Variants in CNTNAP2 observed in about 807,000 individuals in gnomAD.
The protein encoded by CNTNAP2 is contactin-associated protein-like 2.
CNTNAP2 carries 98 observed loss-of-function variants against 155.2 expected under a neutral mutation model. The ratio of observed to expected loss-of-function variants is 0.63; its 90% CI spans 0.54 to 0.75. CNTNAP2 has a LOEUF of 0.75. Ranked by LOEUF, CNTNAP2 falls within the 30% of genes least tolerant of loss-of-function variation. The pLI is 0.00. For synonymous variants in CNTNAP2, 651 were observed against 631.2 expected (o/e 1.03, Z -0.47); for missense variants, 1,727 against 1,688.1 (o/e 1.02, Z -0.40).
chr7:146,963,768 T>A (rs77425529), intron 3 of CNTNAP2, among the ~76,000 whole-genome samples: 2,881 of 152,312 alleles, frequency 0.019, 51 homozygotes, highest in East Asian at 0.064. Context: ...TCCCTTGTTA[T>A]CACTAAGCAA....
chr7:147,051,003 T>G (rs551369462), intron 4 of CNTNAP2, among the ~76,000 whole-genome samples: 9 of 152,174 alleles, frequency 5.9e-5, no homozygotes, highest in African/African-American at 2.2e-4. Context: ...TGTCTTCAAA[T>G]AGTCTTCTTC....
intron 1 of CNTNAP2, among the ~76,000 whole-genome samples, chr7:146,701,880 A>C (rs1019365719): frequency 6.6e-6 from 1 of 152,212 alleles, no homozygotes; most frequent in Non-Finnish European, 1.5e-5. Context: ...TTCTGTGGAC[A>C]AAACATAGGC....
rs544685541 is a variant in CNTNAP2 at position 146,246,229 on chromosome 7, G to A, written c.97+129256G>A. 6.6e-5 allele frequency among the ~76,000 whole-genome samples: 10 copies of A among 150,736 alleles called. No individual in the cohort carries two copies. In the South Asian group the frequency reaches 1.1e-3, roughly 16 times the overall value. The stretch of plus-strand genomic sequence containing the variant: ...GAGTAGAAGTATCTTATACTTGTGG[G>A]TTAAGGTGGGGTAATACAAGAGGAG... On this transcript the variant is annotated intron_variant, in intron 1 of 23. Transcript: ENST00000361727.
intron 8 of CNTNAP2, among the ~76,000 whole-genome samples, chr7:147,272,411 A>C (rs1804772315): frequency 6.6e-6 from 1 of 152,164 alleles, no homozygotes; most frequent in Non-Finnish European, 1.5e-5. Flanking sequence ...TTCATTACAT[A>C]CCTGTCTTTG....
At chr7:148,132,026 C>A (rs1242258920) in intron 16 of CNTNAP2, among the ~76,000 whole-genome samples, 1 of 152,066 alleles carries the variant, frequency 6.6e-6, no homozygotes, top group East Asian at 1.9e-4. Flanking sequence ...GAAATCAAAA[C>A]CATGAAAGAA....
chr7:147,030,350 G>T (rs1300106146), intron 3 of CNTNAP2, among the ~76,000 whole-genome samples: 1 of 152,110 alleles, frequency 6.6e-6, no homozygotes, highest in Non-Finnish European at 1.5e-5. Flanking sequence ...TGAGTATTAT[G>T]CTTCTGCAAG....
intron 1 of CNTNAP2, among the ~76,000 whole-genome samples, chr7:146,322,777 T>C (rs966650566): frequency 1.3e-5 from 2 of 151,338 alleles, no homozygotes; most frequent in African/African-American, 4.9e-5. Flanking sequence ...ATAGAGGTGG[T>C]GTTAATGACA....
intron 9 of CNTNAP2, among the ~76,000 whole-genome samples, chr7:147,381,314 A>G (rs986106240): frequency 6.6e-6 from 1 of 152,128 alleles, no homozygotes; most frequent in African/African-American, 2.4e-5. Flanking sequence ...TCTGCAGCCC[A>G]AGCTTCCAAC....
intron 1 of CNTNAP2, among the ~76,000 whole-genome samples, chr7:146,710,298 G>C (rs565159807): frequency 6.6e-6 from 1 of 152,284 alleles, no homozygotes; most frequent in African/African-American, 2.4e-5. Flanking sequence ...GGGAACTGTA[G>C]TGTTGCTGCT....
intron 1 of CNTNAP2, among the ~76,000 whole-genome samples, chr7:146,516,782 C>T (rs1397188345): frequency 1.3e-5 from 2 of 151,946 alleles, no homozygotes; most frequent in Non-Finnish European, 2.9e-5. Flanking sequence ...AACCCCCTTT[C>T]CCTTGCCACG....
At chr7:147,054,769 T>G (rs1351033926) in intron 4 of CNTNAP2, among the ~76,000 whole-genome samples, 1 of 152,198 alleles carries the variant, frequency 6.6e-6, no homozygotes, top group Non-Finnish European at 1.5e-5. Flanking sequence ...TCAAGCAATT[T>G]AAATTACTTG....
chr7:147,374,174 C>A (rs1261452742), intron 9 of CNTNAP2, among the ~76,000 whole-genome samples: 3 of 151,830 alleles, frequency 2.0e-5, no homozygotes, highest in African/African-American at 7.2e-5. Flanking sequence ...TTTTTTCTTA[C>A]TTAAACATAT....
Position 148,251,637 on chromosome 7 carries a change from C to T in CNTNAP2, c.3382-15396C>T, listed in dbSNP as rs185008371. ...AGAAGGAAAACATAAAAACCCTCCT[C>T]CTTACATGAATGCCCTTCTCTCCTC... On this transcript the variant is annotated intron_variant, in intron 20 of 23. Transcript: ENST00000361727. Among the ~76,000 whole-genome samples the T allele has an allele frequency of 8.4e-3, 1,280 of 152,306 alleles. 6 individuals carry two copies. The highest frequency in any genetic ancestry group is 0.037 in the Middle Eastern group (11 of 294).
intron 19 of CNTNAP2, among the ~76,000 whole-genome samples, chr7:148,224,267 C>T (rs889101219): frequency 5.9e-5 from 9 of 151,432 alleles, no homozygotes; most frequent in Non-Finnish European, 1.0e-4. Flanking sequence ...TGCCAAACAA[C>T]TGCCTGATCA....
chr7:146,738,841 G>GTTTT (rs573424179), intron 1 of CNTNAP2, among the ~76,000 whole-genome samples: 38 of 133,582 alleles, frequency 2.8e-4, no homozygotes, highest in Non-Finnish European at 5.4e-4. Context: ...AAGATTTTCT[G>GTTTT]TTTTTTTTTT....
At chr7:148,226,514 C>T (rs1795852420) in intron 19 of CNTNAP2, among the ~76,000 whole-genome samples, 1 of 152,214 alleles carries the variant, frequency 6.6e-6, no homozygotes. Flanking sequence ...AGCTGGTGAT[C>T]AGCAGCTTCC....
At chr7:146,508,922 C>G (rs1317291591) in intron 1 of CNTNAP2, among the ~76,000 whole-genome samples, 1 of 152,190 alleles carries the variant, frequency 6.6e-6, no homozygotes, top group Admixed American at 6.5e-5. Flanking sequence ...AGATGGCCCC[C>G]TGCAGAAGGA....
chr7:146,981,902 C>T (rs775431696), intron 3 of CNTNAP2, among the ~76,000 whole-genome samples: 12 of 152,104 alleles, frequency 7.9e-5, no homozygotes, highest in South Asian at 4.1e-4. Context: ...ATTTGCAGAA[C>T]GCATATAATC....
chr7:146,244,246 T>G (rs1198348279), intron 1 of CNTNAP2, among the ~76,000 whole-genome samples: 6 of 152,146 alleles, frequency 3.9e-5, no homozygotes, highest in Non-Finnish European at 8.8e-5. Flanking sequence ...GAGTGGCAGT[T>G]TGGGGATAGC....
Sources: allele counts gnomAD v4.1 joint callset (sites outside exome capture counted in the v4.1 genomes callset), GRCh38; gene constraint gnomAD v4.1.1; transcripts MANE v1.5; gene names NCBI Gene and HGNC (gene_info 2026-07-23, HGNC 2026-07-21).